Variants in PLEKHG4B observed in about 807,000 individuals in gnomAD.
PLEKHG4B encodes the protein pleckstrin homology and RhoGEF domain containing G4B, also known as pleckstrin homology domain-containing family G member 4B.
In PLEKHG4B, 111 loss-of-function variants were observed where a neutral mutation model predicts 121.3. That is an observed-to-expected ratio of 0.92 (90% confidence interval 0.78 to 1.07). The LOEUF (loss-of-function observed/expected upper bound fraction) is 1.07. Among genes scored for constraint, PLEKHG4B ranks in the 50% least tolerant of loss-of-function variants. The probability of loss-of-function intolerance (pLI) is 0.00; values close to 1 mark genes in which losing one functional copy is unlikely to be tolerated. For missense variants in PLEKHG4B, 1,831 were observed against 1,757.8 expected (o/e 1.04, Z -0.74); for synonymous variants, 738 against 725.0 (o/e 1.02, Z -0.29).
chr5:144,994 C>G (rs1015003553), intron 6 of PLEKHG4B, 74 bp downstream of exon 6: 3 of 1,416,328 alleles, frequency 2.1e-6, no homozygotes, highest in East Asian at 4.6e-5. Flanking sequence ...CTGCCCACAT[C>G]GTGGTTCTGG....
rs1735276548 is a variant in PLEKHG4B, at chr5:143,044, C to T, written c.1478-3C>T. 5.0e-6 allele frequency: 8 copies of T among 1,613,032 alleles called. No homozygotes were observed. The highest frequency in any genetic ancestry group is 5.9e-6 in the Non-Finnish European group (7 of 1,179,654). ...TTTGACACGGCCTCTTTCCTTTGTCCAGACGTTCTTGCATCCTCAGCCTGT... is the reference window on the plus strand; with the variant it reads ...TTTGACACGGCCTCTTTCCTTTGTCTAGACGTTCTTGCATCCTCAGCCTGT... On this transcript the variant is annotated splice_polypyrimidine_tract_variant and splice_region_variant and intron_variant, in intron 3 of 19. Transcript: ENST00000637938.
chr5:178,594 A>G (rs147468069), intron 18 of PLEKHG4B, among the ~76,000 whole-genome samples: 2,117 of 151,852 alleles, frequency 0.014, 51 homozygotes, highest in African/African-American at 0.049. Context: ...GAATTTGTCT[A>G]TTTTTCTTTT....
intron 2 of PLEKHG4B, among the ~76,000 whole-genome samples, chr5:121,498 G>A (rs528142545): frequency 6.6e-6 from 1 of 152,106 alleles, no homozygotes; most frequent in Non-Finnish European, 1.5e-5. Flanking sequence ...ATTCACAGAA[G>A]GGGAGGAAAG....
chr5:138,290 A>G (rs1044268716), intron 2 of PLEKHG4B, among the ~76,000 whole-genome samples: 12 of 152,202 alleles, frequency 7.9e-5, no homozygotes, highest in Non-Finnish European at 1.0e-4. Context: ...TGCCATATCA[A>G]TGATAGTTCC....
chr5:158,429 TCTC>T (rs1464015906), intron 11 of PLEKHG4B, among the ~76,000 whole-genome samples: 10 of 134,768 alleles, frequency 7.4e-5, no homozygotes, highest in South Asian at 2.7e-4. Flanking sequence ...GTCTCCTCCT[TCTC>T]CTCTCCTCCC....
intron 3 of PLEKHG4B, 77 bp from the exon 4 acceptor site, chr5:142,969 TA>T: frequency 1.5e-6 from 2 of 1,378,506 alleles, no homozygotes; most frequent in Non-Finnish European, 2.0e-6. Flanking sequence ...CCATGGTTCA[TA>T]GCAAGCTGAG....
chr5:164,050 C>T (rs546780288), intron 13 of PLEKHG4B, among the ~76,000 whole-genome samples: 2 of 152,262 alleles, frequency 1.3e-5, no homozygotes, highest in South Asian at 2.1e-4. Flanking sequence ...CTGCCTAGGC[C>T]GGATGCCGTC....
rs1735084141 is a variant in PLEKHG4B, at chr5:139,501, G to A, written c.262G>A (p.Val88Ile). The A allele has an allele frequency of 1.3e-5, 5 of 398,852 alleles. No homozygotes were observed. Among genetic ancestry groups the A allele is most frequent in the Non-Finnish European group, 1.8e-5 (4 of 226,186 alleles). 24.7% of individuals were successfully genotyped at this position (398,852 alleles called of 1,614,324 possible). A position where few individuals can be genotyped will look rare whatever the true frequency, so the allele number is the denominator to read the frequency against. The change falls in exon 3 of 20, where the codon GTC (valine) becomes ATC (isoleucine). Residue 88 changes from valine to isoleucine, a missense_variant. By Grantham distance (29) the Val-to-Ile change is conservative (BLOSUM62 3). Transcript: ENST00000637938. The surrounding 1 kb of genome is among the most constrained non-coding windows in gnomAD (Gnocchi z 5.0). ...GTCTCAGGCCAGGTACAGGGGTCTG[G>A]TCTTCCTGCACCCAGGCTGGCCGCT... Reference protein sequence around the residue: ...QEACARYRGLVFLHPGWPLCA... With the variant: ...QEACARYRGLIFLHPGWPLCA...
In PLEKHG4B at chr5:139,347, C is replaced by T. The variant is rs139630792; in HGVS notation, c.244-136C>T. The T allele has an allele frequency of 3.5e-3, 1,376 of 398,126 alleles. 22 individuals carry two copies. Among genetic ancestry groups the T allele is most frequent in the African/African-American group, 0.026 (1,257 of 48,768 alleles). The allele number at this position is 398,126 out of a possible 1,614,324, so 24.7% of individuals were successfully genotyped here. A position where few individuals can be genotyped will look rare whatever the true frequency, so the allele number is the denominator to read the frequency against. On this transcript the variant is annotated intron_variant, in intron 2 of 19. Transcript: ENST00000637938. This position sits in a 1 kb window ranked among gnomAD's most constrained non-coding sequence, Gnocchi z 5.0. ...CTGCTTTATGTTCCAAGGAACAGGA[C>T]ACCCCAGCCCCCGTGAGACCCCTTC...
At chr5:108,527 G>A (rs1049698795) in intron 1 of PLEKHG4B, among the ~76,000 whole-genome samples, 13 of 151,536 alleles carry the variant, frequency 8.6e-5, no homozygotes, top group Non-Finnish European at 1.9e-4. Context: ...GACAGACTGG[G>A]TGCAGATGGC....
At chr5:126,421 A>T (rs1227354922) in intron 2 of PLEKHG4B, among the ~76,000 whole-genome samples, 2 of 151,980 alleles carry the variant, frequency 1.3e-5, no homozygotes, top group African/African-American at 2.4e-5. Flanking sequence ...TTCATACATC[A>T]CTTTATTTTC....
In PLEKHG4B at chr5:143,031, T is replaced by C; in HGVS notation, c.1478-16T>C. On this transcript the variant is annotated splice_polypyrimidine_tract_variant and intron_variant, in intron 3 of 19. Transcript: ENST00000637938. ...GAAAACCTTCATCTTTGACACGGCC[T>C]CTTTCCTTTGTCCAGACGTTCTTGC... 1 of 1,611,032 alleles carries C rather than the reference T, an allele frequency of 6.2e-7. No individual in the cohort carries two copies. The highest frequency in any genetic ancestry group is 1.1e-5 in the South Asian group (1 of 91,018).
intron 6 of PLEKHG4B, 108 bp from the exon 7 acceptor site, chr5:151,402 GCAC>G: frequency 1.6e-6 from 1 of 610,570 alleles, no homozygotes; most frequent in Non-Finnish European, 2.8e-6. Flanking sequence ...TGCACTGTAG[GCAC>G]TCTGGGAAAC....
chr5:167,565 C>T (rs1330510139), intron 13 of PLEKHG4B, among the ~76,000 whole-genome samples: 1 of 150,682 alleles, frequency 6.6e-6, no homozygotes, highest in Non-Finnish European at 1.5e-5. Flanking sequence ...GGGCAGGGCC[C>T]CCGGCTCACC....
Position 162,847 on chromosome 5 carries a change from G to C in PLEKHG4B, c.2775G>C (p.Val925=), listed in dbSNP as rs190680228. 2.0e-6 allele frequency: 3 copies of C among 1,515,388 alleles called. No individual in the cohort carries two copies. Among genetic ancestry groups the C allele is most frequent in the Non-Finnish European group, 2.7e-6 (3 of 1,131,442 alleles). The allele number at this position is 1,515,388 out of a possible 1,614,324, so 93.9% of individuals were successfully genotyped here. ...VAAEAFPGAG[V]AVLKPHALGK... ...CAGAGGCCTTCCCCGGGGCAGGTGT[G>C]GCAGTGCTGAAGCCTCATGCCCTGG... Residue 925 remains valine, a synonymous_variant, in exon 13 of 20, where the codon GTG becomes GTC. Transcript: ENST00000637938.
chr5:164,627 AGCGGAGCTCACACTAATGCTCTGACGG>A (rs1560945015), intron 13 of PLEKHG4B, among the ~76,000 whole-genome samples: 3 of 108,036 alleles, frequency 2.8e-5, no homozygotes, highest in Admixed American at 9.4e-5. Context: ...GCTGTGACGG[AGCGGAGCTCACACTAATGCTCTGACGG>A]GCGGAGCTCA....
chr5:146,492 A>C (rs1579288090), intron 6 of PLEKHG4B, among the ~76,000 whole-genome samples: 16 of 90,058 alleles, frequency 1.8e-4, no homozygotes, highest in African/African-American at 2.7e-4. Context: ...CCTCCCCTCC[A>C]CACAGTCCTC....
At chr5:168,646 ATCTG>A (rs1217436647) in intron 13 of PLEKHG4B, among the ~76,000 whole-genome samples, 1 of 152,210 alleles carries the variant, frequency 6.6e-6, no homozygotes, top group Non-Finnish European at 1.5e-5. Flanking sequence ...AAGCCTGGGA[ATCTG>A]TCTGTCTTGG....
At chr5:103,918 G>C (rs1028836083) in intron 1 of PLEKHG4B, among the ~76,000 whole-genome samples, 5 of 152,104 alleles carry the variant, frequency 3.3e-5, no homozygotes, top group Admixed American at 2.6e-4. Context: ...ACCTTCATGA[G>C]ATCCACTTTT....
Sources: allele counts gnomAD v4.1 joint callset (sites outside exome capture counted in the v4.1 genomes callset), GRCh38; gene constraint gnomAD v4.1.1; non-coding constraint Gnocchi (gnomAD v3.1); transcripts MANE v1.5; gene names NCBI Gene and HGNC (gene_info 2026-07-23, HGNC 2026-07-21).